The following KCNMB2 variants were observed in gnomAD, a reference collection of about 807,000 sequenced individuals.
The protein encoded by KCNMB2 is potassium calcium-activated channel subfamily M regulatory beta subunit 2.
In KCNMB2, 9 loss-of-function variants were observed where a neutral mutation model predicts 24.5. The observed-to-expected ratio is 0.37, with a 90% CI of 0.22 to 0.64. KCNMB2 has a LOEUF of 0.64. Among genes scored for constraint, KCNMB2 ranks in the 30% least tolerant of loss-of-function variants. KCNMB2 has a pLI of 0.63. For missense variants in KCNMB2, 226 were observed against 284.3 expected, an observed-to-expected ratio of 0.79 and a Z score of 1.47; for synonymous variants, 109 against 104.4, an observed-to-expected ratio of 1.04 and a Z score of -0.27.
chr3:178,671,831 T>C (rs1720909069), intron 1 of KCNMB2, among the ~76,000 whole-genome samples: 1 of 152,182 alleles, frequency 6.6e-6, no homozygotes, highest in South Asian at 2.1e-4. Context: ...TTAATCAACA[T>C]GTAATACAAT....
At chr3:178,825,941 T>A (rs1577217925) in intron 3 of KCNMB2, among the ~76,000 whole-genome samples, 183 bp downstream of exon 3, 1 of 152,328 alleles carries the variant, frequency 6.6e-6, no homozygotes, top group Non-Finnish European at 1.5e-5. Flanking sequence ...GCTCTATGTA[T>A]AATCTGGATA....
chr3:178,574,043 T>C (rs1369416577), intron 1 of KCNMB2, among the ~76,000 whole-genome samples: 2 of 152,212 alleles, frequency 1.3e-5, no homozygotes, highest in South Asian at 2.1e-4. Flanking sequence ...TATAAAATTA[T>C]GTTCTAATGT....
intron 1 of KCNMB2, among the ~76,000 whole-genome samples, chr3:178,761,953 C>T (rs1440431345): frequency 1.3e-5 from 2 of 152,066 alleles, no homozygotes; most frequent in African/African-American, 2.4e-5. Context: ...GGGCGGATCA[C>T]GAGGTCAGGA....
chr3:178,681,767 A>C (rs1048882492), intron 1 of KCNMB2, among the ~76,000 whole-genome samples: 2 of 152,208 alleles, frequency 1.3e-5, no homozygotes, highest in African/African-American at 4.8e-5. Flanking sequence ...ACAAAGAACT[A>C]GAAAATGTAT....
chr3:178,715,660 T>A (rs1412018543), intron 1 of KCNMB2, among the ~76,000 whole-genome samples: 1 of 152,220 alleles, frequency 6.6e-6, no homozygotes, highest in Non-Finnish European at 1.5e-5. Flanking sequence ...TGGGTTTTAT[T>A]GTTATATCCA....
intron 2 of KCNMB2, among the ~76,000 whole-genome samples, chr3:178,810,077 A>T (rs1714125098): frequency 6.6e-6 from 1 of 151,112 alleles, no homozygotes; most frequent in Non-Finnish European, 1.5e-5. Flanking sequence ...GGAAGATATG[A>T]CTCAGATTTT....
chr3:178,710,693 G>T (rs937656065), intron 1 of KCNMB2, among the ~76,000 whole-genome samples: 2 of 152,136 alleles, frequency 1.3e-5, no homozygotes, highest in Non-Finnish European at 2.9e-5. Context: ...AAGCCATTAT[G>T]CAGATGAAAG....
At chr3:178,544,213 AT>A (rs1432277587) in intron 1 of KCNMB2, among the ~76,000 whole-genome samples, 1 of 152,176 alleles carries the variant, frequency 6.6e-6, no homozygotes, top group Non-Finnish European at 1.5e-5. Flanking sequence ...GCAGGGAATT[AT>A]TTTATAATAA....
chr3:178,694,360 C>T lies in KCNMB2; in HGVS notation c.-67-112983C>T, dbSNP rs73046001. Among the ~76,000 whole-genome samples the T allele has an allele frequency of 1.7e-3, 253 of 152,264 alleles. 1 individual carries two copies. Among genetic ancestry groups the T allele is most frequent in the African/African-American group, 5.8e-3 (242 of 41,546 alleles). ...GGAGACACAGTCAAACCATATTATT[C>T]CCCTCCTGTCCTCTCCCAATTCTCC... On this transcript the variant is annotated intron_variant, in intron 1 of 4. Transcript: ENST00000452583.
intron 1 of KCNMB2, among the ~76,000 whole-genome samples, chr3:178,620,311 A>T (rs540981437): frequency 6.6e-6 from 1 of 152,252 alleles, no homozygotes; most frequent in South Asian, 2.1e-4. Flanking sequence ...AATAATTTTT[A>T]TATGCAGATT....
rs116568143 is a variant in KCNMB2 at position 178,600,378 on chromosome 3, G to A, written c.-68+63667G>A. 8.7e-4 allele frequency among the ~76,000 whole-genome samples: 133 copies of A among 152,262 alleles called. 1 individual carries two copies. The highest frequency in any genetic ancestry group is 2.9e-3 in the African/African-American group (121 of 41,568). Reference sequence around the variant, plus strand: ...TTGAATAATGCTGCTACGAACATGCGTGTGCAAATATCTCTTTAAGACCCT... The same window carrying A: ...TTGAATAATGCTGCTACGAACATGCATGTGCAAATATCTCTTTAAGACCCT... On this transcript the variant is annotated intron_variant, in intron 1 of 4. Coordinates refer to ENST00000452583, the MANE Select transcript of KCNMB2 (RefSeq NM_181361.3).
intron 1 of KCNMB2, among the ~76,000 whole-genome samples, chr3:178,753,366 T>G (rs1723914374): frequency 6.6e-6 from 1 of 152,214 alleles, no homozygotes; most frequent in South Asian, 2.1e-4. Flanking sequence ...TGCCAAACAC[T>G]GACTGTGTGA....
At chr3:178,633,540 G>T (rs943739248) in intron 1 of KCNMB2, among the ~76,000 whole-genome samples, 5 of 152,212 alleles carry the variant, frequency 3.3e-5, no homozygotes, top group African/African-American at 1.2e-4. Context: ...CAAGGCTGGA[G>T]GGGCTGGGAT....
chr3:178,591,118 A>G lies in KCNMB2; in HGVS notation c.-68+54407A>G, dbSNP rs141923805. 2.9e-4 allele frequency among the ~76,000 whole-genome samples: 44 copies of G among 152,302 alleles called. No homozygotes were observed. The East Asian group carries it at 8.1e-3, about 28-fold the overall frequency. On this transcript the variant is annotated intron_variant, in intron 1 of 4. Coordinates refer to ENST00000452583, the MANE Select transcript of KCNMB2 (RefSeq NM_181361.3). Reference sequence around the variant, plus strand: ...AGGAAGCTAATATTTCATAAGCCACATTTTGGTAGGTCTTTATTTAAAGTA... The same window carrying G: ...AGGAAGCTAATATTTCATAAGCCACGTTTTGGTAGGTCTTTATTTAAAGTA...
intron 1 of KCNMB2, among the ~76,000 whole-genome samples, chr3:178,677,482 CCT>C (rs1157997703): frequency 1.3e-5 from 2 of 152,190 alleles, no homozygotes; most frequent in African/African-American, 4.8e-5. Flanking sequence ...CATCGTCAGC[CCT>C]CTGTGCTGGC....
At chr3:178,776,297 C>G (rs1248268820) in intron 1 of KCNMB2, among the ~76,000 whole-genome samples, 1 of 152,142 alleles carries the variant, frequency 6.6e-6, no homozygotes, top group Non-Finnish European at 1.5e-5. Flanking sequence ...CCTCCATCAT[C>G]TTCACTCTCT....
intron 1 of KCNMB2, among the ~76,000 whole-genome samples, chr3:178,555,648 G>T (rs1238536762): frequency 6.6e-6 from 1 of 152,202 alleles, no homozygotes; most frequent in Non-Finnish European, 1.5e-5. Flanking sequence ...ATTGCAGTTT[G>T]TGGGGAGGAG....
intron 1 of KCNMB2, among the ~76,000 whole-genome samples, chr3:178,632,197 C>T (rs1719345167): frequency 6.6e-6 from 1 of 152,156 alleles, no homozygotes; most frequent in Admixed American, 6.5e-5. Flanking sequence ...GGGTATGTCC[C>T]TCTGCCTTTA....
chr3:178,754,195 C>CACACACACAT, intron 1 of KCNMB2, among the ~76,000 whole-genome samples: 1 of 137,466 alleles, frequency 7.3e-6, no homozygotes, highest in Middle Eastern at 3.7e-3. Context: ...CACACACATA[C>CACACACACAT]ATATATATAT....
Sources: gnomAD v4.1 joint callset for allele counts (sites outside exome capture counted in the v4.1 genomes callset) on GRCh38, gnomAD v4.1.1 for gene constraint, MANE v1.5 for transcripts, NCBI Gene and HGNC (gene_info 2026-07-23, HGNC 2026-07-21) for gene names.